The following CUX1 variants were observed in gnomAD, a reference collection of about 807,000 sequenced individuals.
The protein encoded by CUX1 is cut like homeobox 1.
A neutral mutation model predicts 158.8 loss-of-function variants in CUX1; 31 were observed. The ratio of observed to expected loss-of-function variants is 0.20; its 90% CI spans 0.15 to 0.26. The LOEUF (loss-of-function observed/expected upper bound fraction) is 0.26, where lower values mean the gene tolerates loss of function less well. Among genes scored for constraint, CUX1 ranks in the 10% least tolerant of loss-of-function variants. The probability of loss-of-function intolerance (pLI) is 1.00; values close to 1 mark genes in which losing one functional copy is unlikely to be tolerated. For synonymous variants in CUX1, 879 were observed against 862.1 expected (o/e 1.02, Z -0.34); for missense variants, 1,589 against 2,014.6 (o/e 0.79, Z 4.04).
rs1790001467 is a variant in CUX1, at chr7:102,257,292, A to G, written c.*8250A>G. The G allele has an allele frequency of 1.0e-6, 1 of 982,092 alleles. No homozygotes were observed. The highest frequency in any genetic ancestry group is 1.2e-6 in the Non-Finnish European group (1 of 829,320). The allele number at this position is 982,092 out of a possible 1,614,324, so 60.8% of individuals were successfully genotyped here. On this transcript the variant is annotated 3_prime_UTR_variant, in exon 24 of 24. Coordinates refer to ENST00000292535, the MANE Select transcript of CUX1 (RefSeq NM_181552.4). ...ACCCTCCACCGAAACAATGGTCCCC[A>G]TCTCCCCAGAAGCCTTTTTTTTTTT...
At chr7:102,029,868 C>A (rs529165917) in intron 3 of CUX1, among the ~76,000 whole-genome samples, 1 of 152,194 alleles carries the variant, frequency 6.6e-6, no homozygotes, top group African/African-American at 2.4e-5. Context: ...ACCTGTCCAG[C>A]GGCTTTTGGG....
At chr7:101,981,552 C>A (rs973169258) in intron 2 of CUX1, among the ~76,000 whole-genome samples, 1 of 152,144 alleles carries the variant, frequency 6.6e-6, no homozygotes, top group African/African-American at 2.4e-5. Flanking sequence ...AAAATGATAT[C>A]CCAGGCATTC....
rs111963258 is a variant in CUX1 at position 102,072,174 on chromosome 7, A to G, written c.268+1757A>G. ...AGATATTTACTGAAAATGAAAGTAC[A>G]CTCCACAGGGTGAGAGTGGGCTGAG... On this transcript the variant is annotated intron_variant, in intron 4 of 23. Transcript: ENST00000292535. Among the ~76,000 whole-genome samples the G allele has an allele frequency of 3.9e-4, 59 of 152,180 alleles. 1 individual carries two copies. The highest frequency in any genetic ancestry group is 1.3e-3 in the African/African-American group (54 of 41,528).
At chr7:102,186,175 A>G (rs1793600078) in intron 11 of CUX1, among the ~76,000 whole-genome samples, 2 of 152,158 alleles carry the variant, frequency 1.3e-5, no homozygotes, top group African/African-American at 2.4e-5. Context: ...GGGCATTTTC[A>G]GCATTGGAAG....
At chr7:102,123,425 C>T (rs1832272786) in intron 8 of CUX1, among the ~76,000 whole-genome samples, 1 of 151,624 alleles carries the variant, frequency 6.6e-6, no homozygotes, top group Non-Finnish European at 1.5e-5. Flanking sequence ...CTGGCTAACA[C>T]AGTGAAACCC....
chr7:102,168,908 CTTTTA>C (rs1220950150), intron 9 of CUX1, among the ~76,000 whole-genome samples: 2,439 of 121,114 alleles, frequency 0.02, 87 homozygotes, highest in African/African-American at 0.053. Flanking sequence ...CTTTTCTTTT[CTTTTA>C]TTTTCTTTTC....
At chr7:102,006,049 C>A (rs747765849) in intron 2 of CUX1, among the ~76,000 whole-genome samples, 2 of 152,158 alleles carry the variant, frequency 1.3e-5, no homozygotes, top group Non-Finnish European at 2.9e-5. Context: ...GGTTGAAGTC[C>A]GTCATTCTCA....
chr7:102,014,243 G>A (rs955225200), intron 2 of CUX1, among the ~76,000 whole-genome samples: 3 of 152,180 alleles, frequency 2.0e-5, no homozygotes, highest in South Asian at 2.1e-4. Context: ...TACATTCATA[G>A]TATCTCAAAA....
rs575448252 is a variant in CUX1, at chr7:102,206,293, C to T, written c.3130+1123C>T. Among the ~76,000 whole-genome samples the T allele has an allele frequency of 1.5e-3, 224 of 152,208 alleles. 1 individual carries two copies. Among genetic ancestry groups the T allele is most frequent in the Non-Finnish European group, 2.5e-3 (170 of 68,020 alleles). On this transcript the variant is annotated intron_variant, in intron 20 of 23. Transcript: ENST00000292535. ...TCGAGAGGCTGCATCTCACCCGCGC[C>T]GTGGGTCTTCTTGGCTGGACATCTA...
chr7:102,087,432 T>G (rs961122546), intron 4 of CUX1, among the ~76,000 whole-genome samples: 1 of 152,080 alleles, frequency 6.6e-6, no homozygotes, highest in African/African-American at 2.4e-5. Context: ...AATACAAAAT[T>G]AGCTGGGCGT....
intron 2 of CUX1, among the ~76,000 whole-genome samples, chr7:101,945,180 G>C (rs776035585): frequency 6.6e-6 from 1 of 152,080 alleles, no homozygotes; most frequent in Non-Finnish European, 1.5e-5. Context: ...AGACAGGGCA[G>C]AGCGACCTCA....
intron 19 of CUX1, 151 bp downstream of exon 19, chr7:102,204,707 G>A (rs1277890849): frequency 1.0e-6 from 1 of 1,003,386 alleles, no homozygotes; most frequent in Non-Finnish European, 1.4e-6. Context: ...GGTGCTGGGG[G>A]ACAGAACCGT....
At chr7:102,190,354 G>T (rs534529023) in intron 12 of CUX1, among the ~76,000 whole-genome samples, 1 of 152,298 alleles carries the variant, frequency 6.6e-6, no homozygotes, top group South Asian at 2.1e-4. Context: ...CAGGGCTAAT[G>T]ATGGCATTCT....
intron 1 of CUX1, among the ~76,000 whole-genome samples, chr7:101,872,061 C>T (rs1208358053): frequency 2.0e-5 from 3 of 151,414 alleles, no homozygotes. Flanking sequence ...CAGCGTGATT[C>T]TGTGAGTTCA....
intron 2 of CUX1, among the ~76,000 whole-genome samples, chr7:102,006,490 G>A (rs1190272716): frequency 1.3e-5 from 2 of 152,002 alleles, no homozygotes; most frequent in Non-Finnish European, 2.9e-5. Flanking sequence ...TCCGCCTCCC[G>A]GGTTCAAGCA....
Position 102,239,428 on chromosome 7 carries a change from T to C in CUX1, c.3731T>C (p.Leu1244Pro). The C allele has an allele frequency of 6.2e-7, 1 of 1,613,902 alleles. No individual in the cohort carries two copies. Among genetic ancestry groups the C allele is most frequent in the Non-Finnish European group, 8.5e-7 (1 of 1,179,908 alleles). Residue 1244 changes from leucine to proline, a missense_variant, in exon 23 of 24, where the codon CTG becomes CCG. Transcript: ENST00000292535. ...GCCAGCCCCCAGCCCCAGCACCAGC[T>C]GAAGAAACCCCGGGTGGTGCTGGCT... ...QGASPQPQHQ[L>P]KKPRVVLAPE...
intron 1 of CUX1, among the ~76,000 whole-genome samples, chr7:101,865,946 A>C (rs1430399477): frequency 6.6e-6 from 1 of 152,160 alleles, no homozygotes; most frequent in Admixed American, 6.6e-5. Context: ...AGAGATTTGG[A>C]ATGCTTGTTT....
rs1801075502 is a variant in CUX1, at chr7:102,248,557, G to A, written c.4033G>A (p.Glu1345Lys). 1.3e-6 allele frequency: 2 copies of A among 1,499,418 alleles called. No individual in the cohort carries two copies. 92.9% of individuals were successfully genotyped at this position (1,499,418 alleles called of 1,614,324 possible). A position where few individuals can be genotyped will look rare whatever the true frequency, so the allele number is the denominator to read the frequency against. ...GDSCDGVEAT[E>K]GPGSADTEEP... The stretch of plus-strand genomic sequence containing the variant: ...CAGCTGCGACGGCGTGGAGGCCACT[G>A]AGGGCCCAGGCAGCGCCGACACCGA... Residue 1345 changes from glutamate (E) to lysine (K), a missense_variant, in exon 24 of 24, where the codon GAG becomes AAG. Glu to Lys is a moderately conservative substitution (Grantham distance 56). Coordinates refer to ENST00000292535, the MANE Select transcript of CUX1 (RefSeq NM_181552.4). This position sits in a 1 kb window ranked among gnomAD's most constrained non-coding sequence, Gnocchi z 5.8.
chr7:102,281,721 C>G, intron 20 of CUX1: 1 of 709,560 alleles, frequency 1.4e-6, no homozygotes, highest in South Asian at 1.5e-5. Context: ...AATAGGGGCC[C>G]CAGCTTCCTG....
Sources: gnomAD v4.1 joint callset for allele counts (sites outside exome capture counted in the v4.1 genomes callset) on GRCh38, gnomAD v4.1.1 for gene constraint, Gnocchi (gnomAD v3.1) non-coding constraint, MANE v1.5 for transcripts, NCBI Gene and HGNC (gene_info 2026-07-23, HGNC 2026-07-21) for gene names.